RASGEF1B: variants seen among roughly 807,000 people sequenced by gnomAD.
RASGEF1B encodes the protein ras-GEF domain-containing family member 1B.
Under a neutral mutation model 65.7 loss-of-function variants are expected in RASGEF1B, and 30 were observed. The observed-to-expected ratio is 0.46, with a 90% confidence interval of 0.34 to 0.62. The LOEUF (loss-of-function observed/expected upper bound fraction) is 0.62, where lower values mean the gene tolerates loss of function less well. Among genes scored for constraint, RASGEF1B ranks in the 20% least tolerant of loss-of-function variants. RASGEF1B has a pLI of 0.01. For synonymous variants in RASGEF1B, 175 were observed against 194.8 expected (o/e 0.90, Z 0.85); for missense variants, 495 against 580.1 (o/e 0.85, Z 1.51).
chr4:81,436,935 C>G (rs193053744), intron 10 of RASGEF1B, among the ~76,000 whole-genome samples: 2 of 152,182 alleles, frequency 1.3e-5, no homozygotes, highest in Non-Finnish European at 2.9e-5. Context: ...TTGTTATTAT[C>G]TCGGACAGTC....
At chr4:81,457,799 T>C (rs1722501644) in intron 2 of RASGEF1B, among the ~76,000 whole-genome samples, 178 bp from the exon 3 acceptor site, 1 of 152,242 alleles carries the variant, frequency 6.6e-6, no homozygotes. Flanking sequence ...CCTTCTGATG[T>C]ATGTTTTCCC....
In RASGEF1B at chr4:81,448,100, G is replaced by A. The variant is rs764235235; in HGVS notation, c.623C>T (p.Thr208Met). 1.2e-5 allele frequency: 20 copies of A among 1,614,026 alleles called. No individual in the cohort carries two copies. Among genetic ancestry groups the A allele is most frequent in the Admixed American group, 8.3e-5 (5 of 59,998 alleles). Residue 208 changes from threonine (T) to methionine (M), a missense_variant, in exon 5 of 14, where the codon ACG becomes ATG. Thr to Met is a moderately conservative substitution (Grantham distance 81). Transcript: ENST00000264400. ...DIITVCNDPY[T>M]LAQQLTHIEL... Reference sequence around the variant, plus strand: ...TATATGAGTCAGCTGCTGGGCCAACGTGTAAGGGTCGTTGCAGACAGTAAT... The same window carrying A: ...TATATGAGTCAGCTGCTGGGCCAACATGTAAGGGTCGTTGCAGACAGTAAT...
chr4:81,429,882 G>T (rs866721054), intron 13 of RASGEF1B, among the ~76,000 whole-genome samples: 3 of 152,106 alleles, frequency 2.0e-5, no homozygotes, highest in African/African-American at 7.2e-5. Flanking sequence ...CAGCACACTG[G>T]CAGGCCACTT....
intron 4 of RASGEF1B, chr4:81,456,384 A>T: frequency 1.7e-6 from 1 of 603,870 alleles, no homozygotes; most frequent in Non-Finnish European, 2.9e-6. Flanking sequence ...AAATTAAAAC[A>T]TACTTGCAAC....
At chr4:81,466,422 C>G (rs1722804254) in intron 1 of RASGEF1B, among the ~76,000 whole-genome samples, 1 of 152,078 alleles carries the variant, frequency 6.6e-6, no homozygotes, top group Non-Finnish European at 1.5e-5. Flanking sequence ...AGGCAAAAGT[C>G]AAGTTTCTGA....
intron 1 of RASGEF1B, among the ~76,000 whole-genome samples, chr4:81,466,769 A>AG (rs1560713605): frequency 2.1e-3 from 276 of 132,758 alleles, no homozygotes; most frequent in Non-Finnish European, 3.6e-3. Context: ...AAAAAAAAAA[A>AG]AAAAGAAAGA....
In RASGEF1B at chr4:81,445,728, A is replaced by G. The variant is rs1379972470; in HGVS notation, c.825+15T>C. On this transcript the variant is annotated intron_variant, in intron 7 of 13. Coordinates refer to ENST00000264400, the MANE Select transcript of RASGEF1B (RefSeq NM_152545.3). Reference sequence around the variant, plus strand: ...TAATGTTGAGAACTAGGAGACAGAAAATTCATTTCCTCACCATACAGATTT... The same window carrying G: ...TAATGTTGAGAACTAGGAGACAGAAGATTCATTTCCTCACCATACAGATTT... The G allele has an allele frequency of 1.2e-6, 2 of 1,609,508 alleles. No individual in the cohort carries two copies. Among genetic ancestry groups the G allele is most frequent in the Admixed American group, 1.7e-5 (1 of 59,914 alleles).
intron 10 of RASGEF1B, among the ~76,000 whole-genome samples, chr4:81,439,591 T>C (rs1212703830): frequency 6.6e-6 from 1 of 152,208 alleles, no homozygotes; most frequent in African/African-American, 2.4e-5. Flanking sequence ...GAACCTTGCC[T>C]GCCCTGCAAC....
chr4:81,446,177 T>A (rs1210041497), intron 6 of RASGEF1B, among the ~76,000 whole-genome samples: 2 of 152,236 alleles, frequency 1.3e-5, no homozygotes, highest in East Asian at 3.9e-4. Flanking sequence ...GAGTTCGAGA[T>A]CAGCCTGGCT....
chr4:81,445,664 G>A (rs1429343730), intron 7 of RASGEF1B, 36 bp from the exon 8 acceptor site: 9 of 1,582,986 alleles, frequency 5.7e-6, no homozygotes, highest in Non-Finnish European at 7.8e-6. Flanking sequence ...CAGTTATCCA[G>A]TATGAAGGCC....
At chr4:81,439,337 C>G (rs1332305596) in intron 10 of RASGEF1B, among the ~76,000 whole-genome samples, 11 of 152,082 alleles carry the variant, frequency 7.2e-5, no homozygotes, top group Non-Finnish European at 1.6e-4. Flanking sequence ...TTTATATGTT[C>G]ACATAGAACC....
rs1721261980 is a variant in RASGEF1B, at chr4:81,427,334, TTTAAG to T, written c.*429_*433del. The T allele has an allele frequency of 1.2e-5, 2 of 162,688 alleles. No individual in the cohort carries two copies. Among genetic ancestry groups the T allele is most frequent in the South Asian group, 3.7e-4 (2 of 5,410 alleles). 10.1% of individuals were successfully genotyped at this position (162,688 alleles called of 1,614,324 possible). A position where few individuals can be genotyped will look rare whatever the true frequency, so the allele number is the denominator to read the frequency against. The stretch of plus-strand genomic sequence containing the variant: ...TCCCCTCCCTCCACTCCTTTCTTCA[TTTAAG>T]TTAACAAAAGAAACGTGGGCTTCCT... On this transcript the variant is annotated 3_prime_UTR_variant, in exon 14 of 14. Transcript: ENST00000264400.
At chr4:81,445,652 G>A in intron 7 of RASGEF1B, 24 bp from the exon 8 acceptor site, 1 of 1,591,786 alleles carries the variant, frequency 6.3e-7, no homozygotes, top group Non-Finnish European at 8.6e-7. Flanking sequence ...GACAATAGAG[G>A]GCAGTTATCC....
chr4:81,429,001 A>G (rs1440791343), intron 13 of RASGEF1B, among the ~76,000 whole-genome samples: 1 of 152,272 alleles, frequency 6.6e-6, no homozygotes, highest in South Asian at 2.1e-4. Context: ...CCATTCAATG[A>G]CACTACAGGA....
At chr4:81,452,774 A>G (rs1340923659) in intron 4 of RASGEF1B, 1 of 152,208 alleles carries the variant, frequency 6.6e-6, no homozygotes, top group Non-Finnish European at 1.5e-5. Context: ...CCAGCCCCTT[A>G]AGGAAGAGAA....
chr4:81,466,809 A>C (rs1025438616), intron 1 of RASGEF1B, among the ~76,000 whole-genome samples: 1 of 150,048 alleles, frequency 6.7e-6, no homozygotes, highest in Non-Finnish European at 1.5e-5. Context: ...AAAGAAAGAA[A>C]GAAAGAAAGA....
intron 8 of RASGEF1B, among the ~76,000 whole-genome samples, chr4:81,444,517 G>A (rs776660535): frequency 2.4e-4 from 36 of 152,004 alleles, no homozygotes; most frequent in Non-Finnish European, 4.6e-4. Context: ...CTGATCCTTC[G>A]AAAAGACCTC....
chr4:81,459,339 T>A lies in RASGEF1B; in HGVS notation c.170A>T (p.Tyr57Phe). Reference sequence around the variant, plus strand: ...AGAAACATGAATACCTACATCTGGATAGTAATCCACATTAGGTACTAAGTG... The same window carrying A: ...AGAAACATGAATACCTACATCTGGAAAGTAATCCACATTAGGTACTAAGTG... ...IQHLVPNVDY[Y>F]PDRTYIFTFL... is the part of the protein sequence containing the mutation. The change falls in exon 2 of 14, where the codon TAT (tyrosine) becomes TTT (phenylalanine). Residue 57 changes from tyrosine (Y) to phenylalanine (F), a missense_variant. Tyr to Phe is a conservative substitution (Grantham distance 22, BLOSUM62 3). Transcript: ENST00000264400. 6.3e-7 allele frequency: 1 copy of A among 1,591,132 alleles called. No individual in the cohort carries two copies. Among genetic ancestry groups the A allele is most frequent in the African/African-American group, 1.4e-5 (1 of 73,934 alleles).
intron 4 of RASGEF1B, chr4:81,455,737 T>C (rs1722420881): frequency 6.6e-6 from 1 of 152,188 alleles, no homozygotes; most frequent in Admixed American, 6.5e-5. Flanking sequence ...CAGCTAGTAG[T>C]TAGTGCTTAT....
Sources: allele counts gnomAD v4.1 joint callset (sites outside exome capture counted in the v4.1 genomes callset), GRCh38; gene constraint gnomAD v4.1.1; transcripts MANE v1.5; gene names NCBI Gene and HGNC (gene_info 2026-07-23, HGNC 2026-07-21).